The following RNGTT variants were observed in gnomAD, a reference collection of about 807,000 sequenced individuals.
RNGTT encodes the protein RNA guanylyltransferase and 5'-phosphatase, also known as mRNA-capping enzyme.
In RNGTT, 33 loss-of-function variants were observed where a neutral mutation model predicts 79.3. The observed-to-expected ratio is 0.42, with a 90% confidence interval of 0.32 to 0.56. The LOEUF (loss-of-function observed/expected upper bound fraction) is 0.56, where lower values mean the gene tolerates loss of function less well. Among genes scored for constraint, RNGTT ranks in the 20% least tolerant of loss-of-function variants. RNGTT has a pLI of 0.17. For missense variants in RNGTT, 497 were observed against 739.1 expected (o/e 0.67, Z 3.80); for synonymous variants, 222 against 235.9 (o/e 0.94, Z 0.54).
chr6:88,814,260 A>G (rs1780242236), intron 11 of RNGTT, among the ~76,000 whole-genome samples: 1 of 152,224 alleles, frequency 6.6e-6, no homozygotes, highest in South Asian at 2.1e-4. Flanking sequence ...AGTGAAGACA[A>G]CAGTAATAAC....
chr6:88,699,789 T>C (rs577120205), intron 13 of RNGTT, among the ~76,000 whole-genome samples: 27 of 152,214 alleles, frequency 1.8e-4, no homozygotes, highest in Non-Finnish European at 3.2e-4. Flanking sequence ...TTGAAAACAT[T>C]ATGCTAAGTG....
At chr6:88,680,353 C>T (rs570406294) in intron 13 of RNGTT, among the ~76,000 whole-genome samples, 2 of 152,188 alleles carry the variant, frequency 1.3e-5, no homozygotes, top group African/African-American at 4.8e-5. Flanking sequence ...ACATGGTCTA[C>T]TAAGACCACG....
chr6:88,914,120 T>A (rs2127947233), intron 4 of RNGTT, among the ~76,000 whole-genome samples: 1 of 152,190 alleles, frequency 6.6e-6, no homozygotes, highest in Non-Finnish European at 1.5e-5. Flanking sequence ...AAAACACTGA[T>A]GACAGAAATC....
At chr6:88,906,627 T>C (rs899845696) in intron 4 of RNGTT, among the ~76,000 whole-genome samples, 187 bp from the exon 5 acceptor site, 1 of 152,202 alleles carries the variant, frequency 6.6e-6, no homozygotes, top group Non-Finnish European at 1.5e-5. Context: ...GAATCTAATT[T>C]ATAACTAGCT....
At chr6:88,888,864 T>A (rs1782952555) in intron 8 of RNGTT, among the ~76,000 whole-genome samples, 1 of 152,136 alleles carries the variant, frequency 6.6e-6, no homozygotes, top group Non-Finnish European at 1.5e-5. Context: ...ACCCTGTCTC[T>A]ACTAAAAATA....
At chr6:88,616,978 A>C (rs1481693539) in intron 14 of RNGTT, among the ~76,000 whole-genome samples, 1 of 152,180 alleles carries the variant, frequency 6.6e-6, no homozygotes, top group East Asian at 1.9e-4. Flanking sequence ...CCAATGTCCT[A>C]AAGATTTGTC....
chr6:88,797,323 A>G (rs1582471607), intron 12 of RNGTT, among the ~76,000 whole-genome samples: 1 of 152,230 alleles, frequency 6.6e-6, no homozygotes, highest in East Asian at 1.9e-4. Flanking sequence ...CAGCTGAAAC[A>G]AAAGCTCCAT....
chr6:88,686,060 A>T (rs73753000), intron 13 of RNGTT, among the ~76,000 whole-genome samples: 3,461 of 150,752 alleles, frequency 0.023, 152 homozygotes, highest in African/African-American at 0.079. Context: ...AATTATTAGG[A>T]TTAATCAATG....
chr6:88,929,919 C>T (rs1364956178), intron 2 of RNGTT, among the ~76,000 whole-genome samples: 3 of 146,160 alleles, frequency 2.1e-5, no homozygotes, highest in Admixed American at 1.3e-4. Context: ...CATATATACA[C>T]GTATATACAT....
intron 13 of RNGTT, among the ~76,000 whole-genome samples, chr6:88,764,436 G>A (rs972117633): frequency 1.3e-5 from 2 of 152,114 alleles, no homozygotes; most frequent in African/African-American, 4.8e-5. Context: ...ATTTCTAAAA[G>A]ATACTATTAG....
rs73506526 is a variant in RNGTT at position 88,902,103 on chromosome 6, G to C, written c.684+2612C>G. Among the ~76,000 whole-genome samples the C allele has an allele frequency of 1.8e-3, 279 of 152,148 alleles. 1 individual carries two copies. The highest frequency in any genetic ancestry group is 6.6e-3 in the African/African-American group (273 of 41,514). ...CTCAGGAGGCTGCGATGAGAGGATA[G>C]CTTGAGCCCAGAAGTTCAAAGTACA... On this transcript the variant is annotated intron_variant, in intron 6 of 15. Coordinates refer to ENST00000369485, the MANE Select transcript of RNGTT (RefSeq NM_003800.5).
intron 13 of RNGTT, among the ~76,000 whole-genome samples, chr6:88,762,039 CACTT>C (rs1413670593): frequency 6.6e-6 from 1 of 152,064 alleles, no homozygotes; most frequent in East Asian, 1.9e-4. Context: ...GATTACCAGA[CACTT>C]ACTTTAAACA....
At chr6:88,768,396 C>T (rs1385844799) in intron 13 of RNGTT, among the ~76,000 whole-genome samples, 1 of 152,216 alleles carries the variant, frequency 6.6e-6, no homozygotes, top group Admixed American at 6.5e-5. Flanking sequence ...GCATGAGCCA[C>T]TGCACCCAGC....
chr6:88,732,732 T>C (rs1777158129), intron 13 of RNGTT, among the ~76,000 whole-genome samples: 1 of 152,180 alleles, frequency 6.6e-6, no homozygotes, highest in African/African-American at 2.4e-5. Context: ...GATATTATGC[T>C]AAATGAAATA....
chr6:88,675,501 G>A (rs1319653475), intron 14 of RNGTT, among the ~76,000 whole-genome samples: 1 of 152,010 alleles, frequency 6.6e-6, no homozygotes, highest in East Asian at 1.9e-4. Flanking sequence ...AGACCAACCT[G>A]GCCAACAGAG....
At chr6:88,903,573 A>T (rs1003022497) in intron 6 of RNGTT, among the ~76,000 whole-genome samples, 2 of 152,244 alleles carry the variant, frequency 1.3e-5, no homozygotes, top group African/African-American at 4.8e-5. Flanking sequence ...TACACTTTTC[A>T]GTGTCCTTAT....
Position 88,906,812 on chromosome 6 carries a change from C to A in RNGTT, c.368-372G>T, listed in dbSNP as rs113222077. On this transcript the variant is annotated intron_variant, in intron 4 of 15. Transcript: ENST00000369485. ...ACACAAGATCCTTCTGACCCTCAAA[C>A]TTTAAATTTCTCTAGTAGAAAAAAA... Among the ~76,000 whole-genome samples, 342 of 152,192 alleles carry A rather than the reference C, an allele frequency of 2.2e-3. 1 individual carries two copies. Among genetic ancestry groups the A allele is most frequent in the African/African-American group, 8.0e-3 (331 of 41,530 alleles).
At chr6:88,674,736 A>C (rs575088269) in intron 14 of RNGTT, among the ~76,000 whole-genome samples, 1 of 152,282 alleles carries the variant, frequency 6.6e-6, no homozygotes, top group South Asian at 2.1e-4. Context: ...ACATGGAGCC[A>C]AGAAACAAAT....
intron 11 of RNGTT, among the ~76,000 whole-genome samples, chr6:88,805,025 C>T (rs1029223886): frequency 1.3e-5 from 2 of 152,192 alleles, no homozygotes; most frequent in Non-Finnish European, 2.9e-5. Context: ...AGAAAAAGTT[C>T]CTCATTCATT....
Sources: gnomAD v4.1 joint callset for allele counts (sites outside exome capture counted in the v4.1 genomes callset) on GRCh38, gnomAD v4.1.1 for gene constraint, MANE v1.5 for transcripts, NCBI Gene and HGNC (gene_info 2026-07-23, HGNC 2026-07-21) for gene names.